Variants in MAGI1 observed in about 807,000 individuals in gnomAD.
The protein encoded by MAGI1 is membrane-associated guanylate kinase, WW and PDZ domain-containing protein 1.
In MAGI1, 58 loss-of-function variants were observed where a neutral mutation model predicts 139.9. The ratio of observed to expected loss-of-function variants is 0.41; its 90% CI spans 0.34 to 0.52. The LOEUF is 0.52. MAGI1 is among the 20% of genes least tolerant of loss of function. The pLI is 0.12. For missense variants in MAGI1, 1,874 were observed against 1,901.6 expected, an observed-to-expected ratio of 0.99 and a Z score of 0.27; for synonymous variants, 812 against 737.9, an observed-to-expected ratio of 1.10 and a Z score of -1.63.
chr3:65,997,594 TG>T (rs1328611600), intron 1 of MAGI1, among the ~76,000 whole-genome samples: 1 of 152,042 alleles, frequency 6.6e-6, no homozygotes, highest in African/African-American at 2.4e-5. Flanking sequence ...AGGCGGAGGT[TG>T]CAGTGAGCCG....
chr3:65,749,319 G>C (rs2035953329), intron 1 of MAGI1, among the ~76,000 whole-genome samples: 1 of 152,152 alleles, frequency 6.6e-6, no homozygotes, highest in Admixed American at 6.5e-5. Context: ...AGGTGAAGGT[G>C]ATGTGATTCT....
chr3:65,873,188 T>C (rs2059997439), intron 1 of MAGI1: 1 of 152,224 alleles, frequency 6.6e-6, no homozygotes, highest in East Asian at 1.9e-4. Context: ...TGCTGATTTG[T>C]CTCTTGGCTG....
intron 1 of MAGI1, among the ~76,000 whole-genome samples, chr3:65,663,073 A>G (rs1162870727): frequency 6.6e-6 from 1 of 152,178 alleles, no homozygotes. Flanking sequence ...AATTCAATAC[A>G]TATGTCCACG....
At chr3:65,543,758 G>C (rs138626079) in intron 2 of MAGI1, among the ~76,000 whole-genome samples, 19 of 152,030 alleles carry the variant, frequency 1.2e-4, no homozygotes, top group African/African-American at 2.2e-4. Flanking sequence ...TCAGGGATGG[G>C]GGGGGGTACA....
intron 1 of MAGI1, among the ~76,000 whole-genome samples, chr3:66,031,563 G>A (rs1447990013): frequency 6.6e-6 from 1 of 152,066 alleles, no homozygotes; most frequent in Non-Finnish European, 1.5e-5. Context: ...CAAGTGCGTT[G>A]TACGTCCTTG....
intron 1 of MAGI1, among the ~76,000 whole-genome samples, chr3:65,868,245 T>A (rs1046880785): frequency 7.2e-5 from 11 of 152,180 alleles, no homozygotes; most frequent in African/African-American, 2.7e-4. Context: ...AAACTGAGGA[T>A]GGATGACAGT....
intron 1 of MAGI1, among the ~76,000 whole-genome samples, chr3:65,775,591 C>T (rs968872306): frequency 7.3e-6 from 1 of 136,426 alleles, no homozygotes; most frequent in Non-Finnish European, 1.5e-5. Flanking sequence ...TGTGCAGTTA[C>T]ATACACCAAA....
intron 1 of MAGI1, among the ~76,000 whole-genome samples, chr3:65,860,727 G>A (rs546984191): frequency 6.6e-6 from 1 of 152,314 alleles, no homozygotes; most frequent in East Asian, 1.9e-4. Context: ...GCGTGCGGTA[G>A]GTTCACGGTG....
intron 2 of MAGI1, among the ~76,000 whole-genome samples, chr3:65,519,588 G>C (rs534867771): frequency 6.6e-5 from 10 of 151,992 alleles, no homozygotes; most frequent in Admixed American, 5.2e-4. Context: ...GTTTCACCAC[G>C]TTGGCCAGGC....
rs1947340070 is a variant in MAGI1, at chr3:65,429,904, G to C, written c.1783C>G (p.His595Asp). Reference protein sequence around the residue: ...GQETYDSPASHSSKTGKVNGM... With the variant: ...GQETYDSPASDSSKTGKVNGM... ...TTGACTTTGCCTGTTTTACTACTGT[G>C]GCTAGCTGGTGAATCATAGGTCTCT... Residue 595 changes from histidine to aspartate, a missense_variant, in exon 12 of 23, where the codon CAC becomes GAC. His to Asp is a moderately conservative substitution (Grantham distance 81). This residue lies in a region of MAGI1 where 482 missense variants were observed against 509.6 expected (regional missense o/e 0.95). Coordinates refer to ENST00000402939, the MANE Select transcript of MAGI1 (RefSeq NM_001033057.2). 1 of 1,613,986 alleles carries C rather than the reference G, an allele frequency of 6.2e-7. No individual in the cohort carries two copies.
intron 8 of MAGI1, among the ~76,000 whole-genome samples, chr3:65,442,225 A>T (rs1948392266): frequency 6.6e-6 from 1 of 152,146 alleles, no homozygotes; most frequent in Admixed American, 6.6e-5. Flanking sequence ...ACTTTTAAAA[A>T]TGGGAAACCA....
intron 5 of MAGI1, among the ~76,000 whole-genome samples, chr3:65,466,778 G>A (rs1950200634): frequency 6.6e-6 from 1 of 151,936 alleles, no homozygotes; most frequent in African/African-American, 2.4e-5. Context: ...TTTCCTTACT[G>A]CCTGGATGCA....
At chr3:65,880,762 A>G (rs2060293415) in intron 1 of MAGI1, among the ~76,000 whole-genome samples, 1 of 152,222 alleles carries the variant, frequency 6.6e-6, no homozygotes, top group African/African-American at 2.4e-5. Flanking sequence ...GTTCCACTGC[A>G]CTGAGAGTAA....
intron 3 of MAGI1, among the ~76,000 whole-genome samples, chr3:65,480,178 C>CA (rs1951178172): frequency 7.1e-6 from 1 of 140,202 alleles, no homozygotes. Flanking sequence ...AAAAAAAACA[C>CA]AAAAAACCAC....
intron 4 of MAGI1, among the ~76,000 whole-genome samples, chr3:65,471,507 G>C (rs1005783091): frequency 1.3e-5 from 2 of 152,248 alleles, no homozygotes; most frequent in African/African-American, 4.8e-5. Context: ...CTGGATGGAA[G>C]ACATGCCAAG....
chr3:65,530,670 T>C lies in MAGI1; in HGVS notation c.431-37039A>G, dbSNP rs568501996. 1.7e-3 allele frequency among the ~76,000 whole-genome samples: 229 copies of C among 137,968 alleles called. 2 individuals carry two copies. Among genetic ancestry groups the C allele is most frequent in the Middle Eastern group, 7.3e-3 (2 of 274 alleles). The allele number at this position is 137,968 out of a possible 152,430, so 90.5% of individuals were successfully genotyped here. ...GTGTGTGTGTGTGTGTGTATATATA[T>C]ATACATATATATATACGTGTATATA... On this transcript the variant is annotated intron_variant, in intron 2 of 22. Transcript: ENST00000402939.
intron 1 of MAGI1, among the ~76,000 whole-genome samples, chr3:66,019,846 G>A (rs1164793448): frequency 6.6e-6 from 1 of 152,178 alleles, no homozygotes; most frequent in Non-Finnish European, 1.5e-5. Context: ...GCTGTCAGAA[G>A]TGGGGATCAG....
chr3:65,684,482 G>A (rs1279903229), intron 1 of MAGI1, among the ~76,000 whole-genome samples: 7 of 152,112 alleles, frequency 4.6e-5, no homozygotes, highest in African/African-American at 1.7e-4. Flanking sequence ...AGAAATTGAA[G>A]ACGGATTAGT....
At chr3:65,977,971 C>G (rs890841760) in intron 1 of MAGI1, among the ~76,000 whole-genome samples, 11 of 152,198 alleles carry the variant, frequency 7.2e-5, no homozygotes, top group African/African-American at 2.4e-4. Flanking sequence ...TCCAGAGAGG[C>G]CTTCCCTGAC....
Sources: allele counts gnomAD v4.1 joint callset (sites outside exome capture counted in the v4.1 genomes callset), GRCh38; gene constraint gnomAD v4.1.1; regional missense constraint gnomAD v4.1.1; transcripts MANE v1.5; gene names NCBI Gene and HGNC (gene_info 2026-07-23, HGNC 2026-07-21).